The following MBNL1 variants were observed in gnomAD, a reference collection of about 807,000 sequenced individuals.
The protein encoded by MBNL1 is muscleblind like splicing regulator 1, also known as muscleblind-like protein 1.
Under a neutral mutation model 42.2 loss-of-function variants are expected in MBNL1, and 8 were observed. That is an observed-to-expected ratio of 0.19 (90% CI 0.11 to 0.34). The LOEUF (loss-of-function observed/expected upper bound fraction) is 0.34, where lower values mean the gene tolerates loss of function less well. MBNL1 is among the 10% of genes least tolerant of loss of function. MBNL1 has a pLI of 1.00. For synonymous variants in MBNL1, 169 were observed against 173.9 expected, an observed-to-expected ratio of 0.97 and a Z score of 0.22; for missense variants, 309 against 495.3, an observed-to-expected ratio of 0.62 and a Z score of 3.57.
chr3:152,364,749 G>A (rs1407815030), intron 2 of MBNL1, among the ~76,000 whole-genome samples: 1 of 151,886 alleles, frequency 6.6e-6, no homozygotes, highest in Non-Finnish European at 1.5e-5. Context: ...CTTGTAACCT[G>A]AGGGGAAAAA....
At position 152,456,261 on chromosome 3, in the gene MBNL1, C is replaced by T. The variant is rs548241199; in HGVS notation, c.998-6C>T. ...ATGTTCGCTTATATGATTTTCCCTC[C>T]GAAAGTTCCCATGGTGCACGGTGCT... On this transcript the variant is annotated splice_polypyrimidine_tract_variant and splice_region_variant and intron_variant, in intron 7 of 9. Transcript: ENST00000324210. The T allele has an allele frequency of 4.2e-5, 68 of 1,607,864 alleles. No individual in the cohort carries two copies. Among genetic ancestry groups the T allele is most frequent in the Admixed American group, 1.0e-4 (6 of 59,994 alleles).
chr3:152,308,379 C>T (rs369375898), intron 2 of MBNL1, among the ~76,000 whole-genome samples: 28 of 152,150 alleles, frequency 1.8e-4, no homozygotes, highest in African/African-American at 6.5e-4. Context: ...GGGGAGGTGG[C>T]CTTTCCCAAA....
At chr3:152,306,768 T>G (rs918676903) in intron 2 of MBNL1, among the ~76,000 whole-genome samples, 2 of 152,146 alleles carry the variant, frequency 1.3e-5, no homozygotes, top group African/African-American at 4.8e-5. Context: ...CTCATAAAAC[T>G]TTCAGAATTA....
intron 2 of MBNL1, among the ~76,000 whole-genome samples, chr3:152,407,301 G>T (rs2098458050): frequency 7.6e-6 from 1 of 132,162 alleles, no homozygotes; most frequent in South Asian, 2.3e-4. Context: ...CCATGCATTT[G>T]CTGTTACGCT....
At chr3:152,249,647 C>A (rs1407357040) in intron 2 of MBNL1, among the ~76,000 whole-genome samples, 2 of 151,124 alleles carry the variant, frequency 1.3e-5, no homozygotes, top group Non-Finnish European at 2.9e-5. Flanking sequence ...TCAATTTTGG[C>A]TTTTGTTGCC....
At chr3:152,281,050 A>G (rs1368754067) in intron 1 of MBNL1, among the ~76,000 whole-genome samples, 1 of 152,178 alleles carries the variant, frequency 6.6e-6, no homozygotes, top group Non-Finnish European at 1.5e-5. Context: ...CAAAACAACA[A>G]AAGACTCGAG....
chr3:152,377,854 G>A (rs187690578), intron 2 of MBNL1, among the ~76,000 whole-genome samples: 7 of 152,246 alleles, frequency 4.6e-5, no homozygotes, highest in South Asian at 4.1e-4. Context: ...ACTGTCTTCC[G>A]TGGATTCTTG....
At chr3:152,339,173 G>A (rs542126767) in intron 2 of MBNL1, among the ~76,000 whole-genome samples, 3 of 152,220 alleles carry the variant, frequency 2.0e-5, no homozygotes, top group Admixed American at 6.5e-5. Flanking sequence ...AGTTGGTAGT[G>A]CTAGGGATGC....
At position 152,463,678 on chromosome 3, in the gene MBNL1, C is replaced by G. The variant is rs1748766897; in HGVS notation, c.*1312C>G. 1 of 151,940 alleles carries G rather than the reference C, an allele frequency of 6.6e-6. No individual in the cohort carries two copies. The highest frequency in any genetic ancestry group is 2.4e-5 in the African/African-American group (1 of 41,264). 9.4% of individuals were successfully genotyped at this position (151,940 alleles called of 1,614,324 possible). On this transcript the variant is annotated 3_prime_UTR_variant, in exon 10 of 10. Transcript: ENST00000324210. ...TTAACTGCTTATAGCCTTAGAAAGC[C>G]TTTTACAAAATTAAAAAAAAAATAG...
At chr3:152,318,410 A>G (rs1303065206) in intron 2 of MBNL1, among the ~76,000 whole-genome samples, 2 of 152,186 alleles carry the variant, frequency 1.3e-5, no homozygotes, top group African/African-American at 2.4e-5. Context: ...TTCATGGTAG[A>G]ATTTTGGAGA....
At chr3:152,244,627 T>C (rs2032451853) in intron 2 of MBNL1, among the ~76,000 whole-genome samples, 1 of 152,200 alleles carries the variant, frequency 6.6e-6, no homozygotes, top group African/African-American at 2.4e-5. Context: ...TACAAGCTTT[T>C]AAAAACCTGG....
intron 2 of MBNL1, chr3:152,339,765 A>T (rs1208770989): frequency 6.6e-6 from 1 of 152,176 alleles, no homozygotes; most frequent in African/African-American, 2.4e-5. Flanking sequence ...ACAAAATGAA[A>T]AATATTGATC....
At chr3:152,273,547 T>C (rs2043140251) in intron 1 of MBNL1, among the ~76,000 whole-genome samples, 1 of 152,194 alleles carries the variant, frequency 6.6e-6, no homozygotes, top group South Asian at 2.1e-4. Context: ...GTTAGGAGAA[T>C]TAAGTCTTAC....
intron 2 of MBNL1, among the ~76,000 whole-genome samples, chr3:152,412,471 A>G (rs529451618): frequency 5.9e-4 from 90 of 152,302 alleles, no homozygotes; most frequent in African/African-American, 2.1e-3. Context: ...GTTGATTCTT[A>G]GGAACACAGC....
chr3:152,387,418 A>G (rs1231098465), intron 2 of MBNL1, among the ~76,000 whole-genome samples: 1 of 152,162 alleles, frequency 6.6e-6, no homozygotes, highest in Non-Finnish European at 1.5e-5. Context: ...TTAAAATATT[A>G]AAATCAAATT....
intron 2 of MBNL1, among the ~76,000 whole-genome samples, chr3:152,378,561 T>A (rs115720792): frequency 0.034 from 5,122 of 152,266 alleles, 296 homozygotes; most frequent in African/African-American, 0.12. Flanking sequence ...AAAATCTTTT[T>A]AAATGTACTT....
intron 2 of MBNL1, among the ~76,000 whole-genome samples, chr3:152,258,638 T>A (rs1180403361): frequency 6.6e-6 from 1 of 152,216 alleles, no homozygotes; most frequent in Non-Finnish European, 1.5e-5. Flanking sequence ...AGCCCATGTG[T>A]CATACTTGGT....
At chr3:152,322,385 T>C (rs1242153382) in intron 2 of MBNL1, among the ~76,000 whole-genome samples, 1 of 152,116 alleles carries the variant, frequency 6.6e-6, no homozygotes, top group East Asian at 1.9e-4. Context: ...AGACTAATTA[T>C]AGTCATTACA....
At chr3:152,327,156 T>C (rs1196837457) in intron 2 of MBNL1, among the ~76,000 whole-genome samples, 1 of 152,094 alleles carries the variant, frequency 6.6e-6, no homozygotes, top group African/African-American at 2.4e-5. Context: ...ATTAATATGT[T>C]TTGATAACAT....
Sources: allele counts gnomAD v4.1 joint callset (sites outside exome capture counted in the v4.1 genomes callset), GRCh38; gene constraint gnomAD v4.1.1; transcripts MANE v1.5; gene names NCBI Gene and HGNC (gene_info 2026-07-23, HGNC 2026-07-21).